The following CSMD1 variants were observed in gnomAD, a reference collection of about 807,000 sequenced individuals.
The protein encoded by CSMD1 is CUB and Sushi multiple domains 1.
Under a neutral mutation model 417.5 loss-of-function variants are expected in CSMD1, and 213 were observed. That is an observed-to-expected ratio of 0.51 (90% confidence interval 0.46 to 0.57). CSMD1 has a LOEUF of 0.57. Among genes scored for constraint, CSMD1 ranks in the 20% least tolerant of loss-of-function variants. The pLI, the probability that CSMD1 is intolerant of heterozygous loss-of-function variation, is 0.00. For synonymous variants in CSMD1, 2,862 were observed against 1,736.8 expected, an observed-to-expected ratio of 1.65 and a Z score of -16.11; for missense variants, 6,923 against 4,529.7, an observed-to-expected ratio of 1.53 and a Z score of -15.17.
intron 1 of CSMD1, among the ~76,000 whole-genome samples, chr8:4,984,640 C>G (rs1044409522): frequency 4.6e-5 from 7 of 152,028 alleles, no homozygotes; most frequent in Admixed American, 6.5e-5. Flanking sequence ...GTAGTCATAG[C>G]CTTTTGTAAA....
At chr8:3,741,242 C>G (rs74523448) in intron 6 of CSMD1, among the ~76,000 whole-genome samples, 1 of 79,490 alleles carries the variant, frequency 1.3e-5, no homozygotes, top group Non-Finnish European at 2.5e-5. Flanking sequence ...AAAAAAAAAA[C>G]ATACAGAAGA....
intron 62 of CSMD1, 117 bp from the exon 63 acceptor site, chr8:2,957,924 G>T: frequency 1.5e-6 from 1 of 679,316 alleles, no homozygotes. Flanking sequence ...TCAGGTTAAT[G>T]TCAAGCCACT....
In CSMD1 at chr8:3,506,691, G is replaced by A. The variant is rs186532980; in HGVS notation, c.1345-12965C>T. ...TGGAATAAATAAACTCCGAATTTGG[G>A]GTGTCATGAAGATAAAAGAAAGGAG... On this transcript the variant is annotated intron_variant, in intron 10 of 69. Transcript: ENST00000635120. Among the ~76,000 whole-genome samples the A allele has an allele frequency of 1.6e-4, 25 of 152,154 alleles. No homozygotes were observed. The East Asian group carries it at 3.7e-3, about 22-fold the overall frequency.
intron 10 of CSMD1, among the ~76,000 whole-genome samples, chr8:3,543,173 G>C (rs890740792): frequency 6.6e-6 from 1 of 152,178 alleles, no homozygotes; most frequent in African/African-American, 2.4e-5. Context: ...CTGAGACCCA[G>C]GCATGCTTGA....
At chr8:3,031,509 C>A (rs976543772) in intron 50 of CSMD1, among the ~76,000 whole-genome samples, 1 of 152,026 alleles carries the variant, frequency 6.6e-6, no homozygotes, top group Admixed American at 6.6e-5. Flanking sequence ...CTATCTTTTA[C>A]AAACTTTATT....
chr8:3,618,371 T>A (rs1444850097), intron 7 of CSMD1, among the ~76,000 whole-genome samples: 1 of 152,164 alleles, frequency 6.6e-6, no homozygotes, highest in Non-Finnish European at 1.5e-5. Flanking sequence ...AAATACAAAT[T>A]CTATTGAATA....
chr8:4,991,789 C>G (rs192833327), intron 1 of CSMD1, among the ~76,000 whole-genome samples: 1 of 152,372 alleles, frequency 6.6e-6, no homozygotes, highest in East Asian at 1.9e-4. Context: ...GACTCCGGCG[C>G]TGGCGTCACC....
chr8:3,526,366 G>A (rs1340659060), intron 10 of CSMD1, among the ~76,000 whole-genome samples: 2 of 151,950 alleles, frequency 1.3e-5, no homozygotes, highest in African/African-American at 4.8e-5. Flanking sequence ...GGTGTGAGTT[G>A]AGAGTAATAA....
chr8:4,454,687 C>T lies in CSMD1; in HGVS notation c.303-34622G>A, dbSNP rs145412235. Reference sequence around the variant, plus strand: ...TCCTATTATCTTAGCATGTTCTCTACATAGCAGCTAATCAACCTGAAACTT... The same window carrying T: ...TCCTATTATCTTAGCATGTTCTCTATATAGCAGCTAATCAACCTGAAACTT... On this transcript the variant is annotated intron_variant, in intron 2 of 69. Coordinates refer to ENST00000635120, the MANE Select transcript of CSMD1 (RefSeq NM_033225.6). 6.7e-3 allele frequency among the ~76,000 whole-genome samples: 1,025 copies of T among 152,282 alleles called. 10 individuals carry two copies. Among genetic ancestry groups the T allele is most frequent in the African/African-American group, 0.023 (947 of 41,550 alleles).
chr8:4,464,023 A>G (rs949603224), intron 2 of CSMD1, among the ~76,000 whole-genome samples: 3 of 152,166 alleles, frequency 2.0e-5, no homozygotes, highest in Non-Finnish European at 4.4e-5. Flanking sequence ...TGACACCTAT[A>G]TTAATTCAGT....
At chr8:4,065,294 C>T (rs1435872387) in intron 3 of CSMD1, among the ~76,000 whole-genome samples, 2 of 152,266 alleles carry the variant, frequency 1.3e-5, no homozygotes, top group East Asian at 3.9e-4. Context: ...CTTCCCCATC[C>T]CCCTCAGTAG....
intron 47 of CSMD1, among the ~76,000 whole-genome samples, chr8:3,092,104 T>G (rs1002545137): frequency 6.6e-6 from 1 of 152,150 alleles, no homozygotes; most frequent in Non-Finnish European, 1.5e-5. Context: ...CTATGAACCC[T>G]AGCACATGTA....
intron 2 of CSMD1, among the ~76,000 whole-genome samples, chr8:4,520,673 T>C (rs749011101): frequency 3.2e-4 from 49 of 152,200 alleles, no homozygotes; most frequent in African/African-American, 9.2e-4. Flanking sequence ...TGAACAGACT[T>C]GTTCTGAAAG....
At chr8:3,700,088 G>A (rs1324420924) in intron 7 of CSMD1, among the ~76,000 whole-genome samples, 3 of 152,162 alleles carry the variant, frequency 2.0e-5, no homozygotes, top group Non-Finnish European at 4.4e-5. Flanking sequence ...TGATACAAAG[G>A]GCTCTGTGGA....
chr8:3,906,747 G>A (rs1322713018), intron 5 of CSMD1, among the ~76,000 whole-genome samples: 1 of 151,614 alleles, frequency 6.6e-6, no homozygotes, highest in Non-Finnish European at 1.5e-5. Flanking sequence ...CTTTGATACT[G>A]TAAATTCCTA....
At chr8:4,184,003 G>A (rs926912027) in intron 3 of CSMD1, among the ~76,000 whole-genome samples, 5 of 152,152 alleles carry the variant, frequency 3.3e-5, no homozygotes, top group African/African-American at 9.7e-5. Context: ...TCATACACAT[G>A]ACAAGGGTAC....
At chr8:4,388,070 C>G (rs1055640878) in intron 3 of CSMD1, among the ~76,000 whole-genome samples, 2 of 152,114 alleles carry the variant, frequency 1.3e-5, no homozygotes, top group South Asian at 4.1e-4. Flanking sequence ...CTCATTTGGA[C>G]TAATGTCAGA....
chr8:4,533,217 G>A (rs947916481), intron 2 of CSMD1, among the ~76,000 whole-genome samples: 7 of 152,202 alleles, frequency 4.6e-5, no homozygotes, highest in African/African-American at 1.4e-4. Context: ...TTTTAAACAT[G>A]TAAAGAGCTC....
At chr8:3,748,148 T>C (rs1460555157) in intron 6 of CSMD1, among the ~76,000 whole-genome samples, 3 of 152,180 alleles carry the variant, frequency 2.0e-5, no homozygotes, top group East Asian at 1.9e-4. Flanking sequence ...ACTTGTGCCA[T>C]TGAGACTTTA....
Sources: allele counts gnomAD v4.1 joint callset (sites outside exome capture counted in the v4.1 genomes callset), GRCh38; gene constraint gnomAD v4.1.1; transcripts MANE v1.5; gene names NCBI Gene and HGNC (gene_info 2026-07-23, HGNC 2026-07-21).